MGST1: variants seen among roughly 807,000 people sequenced by gnomAD.
MGST1 encodes microsomal glutathione S-transferase 1, also known as glutathione S-transferase 12.
In MGST1, 5 loss-of-function variants were observed where a neutral mutation model predicts 8.9. The ratio of observed to expected loss-of-function variants is 0.56; its 90% CI spans 0.29 to 1.19. The LOEUF (loss-of-function observed/expected upper bound fraction) is 1.19. MGST1 is among the 50% of genes most tolerant of loss of function. MGST1 has a pLI of 0.08. For missense variants in MGST1, 182 were observed against 187.4 expected, an observed-to-expected ratio of 0.97 and a Z score of 0.17; for synonymous variants, 54 against 67.8, an observed-to-expected ratio of 0.80 and a Z score of 1.00.
At chr12:16,439,184 A>G (rs765280295), downstream of MGST1, among the ~76,000 whole-genome samples, 13 of 151,820 alleles carry the variant, frequency 8.6e-5, no homozygotes, top group Non-Finnish European at 1.5e-4. Context: ...TCACAAAACC[A>G]GAGGACTATT....
At chr12:16,590,914 T>G (rs992617801), downstream of MGST1, among the ~76,000 whole-genome samples, 1 of 151,920 alleles carries the variant, frequency 6.6e-6, no homozygotes, top group Non-Finnish European at 1.5e-5. Context: ...TCACACAGGG[T>G]CATCAATGGG....
At chr12:16,364,792 C>T (rs1464705847), downstream of MGST1, among the ~76,000 whole-genome samples, 1 of 151,962 alleles carries the variant, frequency 6.6e-6, no homozygotes, top group African/African-American at 2.4e-5. The surrounding 1 kb of genome is among the most constrained non-coding windows in gnomAD (Gnocchi z 5.7). Context: ...ATTTTTGATC[C>T]AGGATTCAAA....
At chr12:16,396,549 C>T (rs1940607507) in intron 1 of MGST1, among the ~76,000 whole-genome samples, 1 of 152,088 alleles carries the variant, frequency 6.6e-6, no homozygotes, top group Non-Finnish European at 1.5e-5. Flanking sequence ...AAAGACTCCT[C>T]CAAACAGCTC....
chr12:16,557,366 GA>G (rs1268267630), intron 4 of MGST1, among the ~76,000 whole-genome samples: 16 of 104,540 alleles, frequency 1.5e-4, no homozygotes, highest in African/African-American at 4.7e-4. Flanking sequence ...AGGTGGCAAG[GA>G]TTTTTTTTTT....
intron 4 of MGST1, among the ~76,000 whole-genome samples, chr12:16,553,335 A>G (rs1942064772): frequency 1.3e-5 from 2 of 152,156 alleles, no homozygotes; most frequent in Non-Finnish European, 2.9e-5. Flanking sequence ...TAAAGCATGC[A>G]GGCTACAAGA....
intron 4 of MGST1, among the ~76,000 whole-genome samples, chr12:16,540,407 G>C (rs1249594460): frequency 6.6e-6 from 1 of 152,058 alleles, no homozygotes. Context: ...CGAGTAGCTG[G>C]GATTATAGGT....
chr12:16,431,593 C>T (rs1034253801), intron 1 of MGST1, among the ~76,000 whole-genome samples: 1 of 151,986 alleles, frequency 6.6e-6, no homozygotes, highest in African/African-American at 2.4e-5. Context: ...ACCCACAGTA[C>T]ACCATCTTGT....
chr12:16,451,889 G>C (rs917057972), intron 4 of MGST1, among the ~76,000 whole-genome samples: 1 of 151,808 alleles, frequency 6.6e-6, no homozygotes, highest in African/African-American at 2.4e-5. Context: ...TTTTAGGCAT[G>C]TTTTCCATCT....
In MGST1 at chr12:16,587,969, A is replaced by G. The variant is rs774451036; in HGVS notation, n.483-1559A>G. Among the ~76,000 whole-genome samples the G allele has an allele frequency of 6.6e-6, 1 of 152,124 alleles. No homozygotes were observed. The highest frequency in any genetic ancestry group is 1.5e-5 in the Non-Finnish European group (1 of 68,008). The stretch of plus-strand genomic sequence containing the variant: ...ACAAGGAATATTAATTCATGCTTAA[A>G]AAGTCCCTTTCTTTCAGATAATTAC... On this transcript the variant is annotated intron_variant and non_coding_transcript_variant, in intron 4 of 4. Coordinates refer to the MGST1 transcript ENST00000538857. The surrounding 1 kb of genome is among the most constrained non-coding windows in gnomAD (Gnocchi z 4.3).
At chr12:16,577,341 C>T (rs12231242) in intron 4 of MGST1, among the ~76,000 whole-genome samples, 8,409 of 152,232 alleles carry the variant, frequency 0.055, 509 homozygotes, top group East Asian at 0.32. Flanking sequence ...TATCACAATT[C>T]TTCCATGAAG....
chr12:16,350,713 T>G (rs1033031294), intron 1 of MGST1: 7 of 152,226 alleles, frequency 4.6e-5, no homozygotes, highest in African/African-American at 1.7e-4. Flanking sequence ...TTCTTAATGT[T>G]CTTACCTTAA....
rs898505612 is a variant in MGST1 at position 16,458,422 on chromosome 12, A to G, written n.482+74818A>G. On this transcript the variant is annotated intron_variant and non_coding_transcript_variant, in intron 4 of 4. Transcript: ENST00000538857. The surrounding 1 kb of genome is among the most constrained non-coding windows in gnomAD (Gnocchi z 4.0). ...TGTTGGACCCAGAGTTCTCCAAACT[A>G]AATTGTACTCTGAAGCCCTTGCTGG... Among the ~76,000 whole-genome samples, 4 of 152,042 alleles carry G rather than the reference A, an allele frequency of 2.6e-5. No homozygotes were observed. Among genetic ancestry groups the G allele is most frequent in the Admixed American group, 2.6e-4 (4 of 15,224 alleles).
downstream of MGST1, among the ~76,000 whole-genome samples, chr12:16,590,740 A>G (rs932310195): frequency 6.6e-6 from 1 of 152,088 alleles, no homozygotes; most frequent in African/African-American, 2.4e-5. Context: ...TTGAAATACT[A>G]TGATGTATAG....
intron 2 of MGST1, 161 bp from the exon 3 acceptor site, chr12:16,357,444 A>T: frequency 1.8e-6 from 1 of 565,742 alleles, no homozygotes; most frequent in South Asian, 2.5e-5. Context: ...TTTTTTAAAA[A>T]AATTTGTAGA....
chr12:16,481,021 T>C (rs1166771756), intron 4 of MGST1, among the ~76,000 whole-genome samples: 1 of 152,034 alleles, frequency 6.6e-6, no homozygotes, highest in East Asian at 1.9e-4. Context: ...CAACATACAG[T>C]CCTAGGATCA....
chr12:16,378,404 A>C (rs1179598377), downstream of MGST1, among the ~76,000 whole-genome samples: 1 of 152,096 alleles, frequency 6.6e-6, no homozygotes, highest in Non-Finnish European at 1.5e-5. Flanking sequence ...TAAATAGGGA[A>C]TCCTTTCCCA....
intron 4 of MGST1, among the ~76,000 whole-genome samples, chr12:16,552,939 C>G (rs1457880458): frequency 1.0e-5 from 1 of 96,894 alleles, no homozygotes; most frequent in South Asian, 4.0e-4. Context: ...AGGGTCCAAA[C>G]TCTACCTTCC....
rs746996978 is a variant in MGST1, at chr12:16,584,850, G to C, written n.483-4678G>C. Among the ~76,000 whole-genome samples, 2 of 152,130 alleles carry C rather than the reference G, an allele frequency of 1.3e-5. No individual in the cohort carries two copies. Among genetic ancestry groups the C allele is most frequent in the Non-Finnish European group, 1.5e-5 (1 of 68,026 alleles). ...TGGTATACATTGGATGAAGGGCTCT[G>C]ATCCTCTCTTCAAGAATTCAGGATG... is the stretch of plus-strand genomic sequence containing the variant. On this transcript the variant is annotated intron_variant and non_coding_transcript_variant, in intron 4 of 4. Transcript: ENST00000538857. This position sits in a 1 kb window ranked among gnomAD's most constrained non-coding sequence, Gnocchi z 5.2.
At chr12:16,558,210 T>G (rs999540895) in intron 4 of MGST1, among the ~76,000 whole-genome samples, 1 of 152,218 alleles carries the variant, frequency 6.6e-6, no homozygotes, top group African/African-American at 2.4e-5. Flanking sequence ...ATTTGTCCTA[T>G]AGACATAGGA....
Sources: gnomAD v4.1 joint callset for allele counts (sites outside exome capture counted in the v4.1 genomes callset) on GRCh38, gnomAD v4.1.1 for gene constraint, Gnocchi (gnomAD v3.1) non-coding constraint, MANE v1.5 for transcripts, NCBI Gene and HGNC (gene_info 2026-07-23, HGNC 2026-07-21) for gene names.